Variants in EFR3B observed in about 807,000 individuals in gnomAD.
EFR3B encodes the protein protein EFR3 homolog B.
In EFR3B, 64 loss-of-function variants were observed where a neutral mutation model predicts 104.7. The observed-to-expected ratio is 0.61, with a 90% CI of 0.50 to 0.75. The LOEUF is 0.75. Ranked by LOEUF, EFR3B falls within the 30% of genes least tolerant of loss-of-function variation. The pLI, the probability that EFR3B is intolerant of heterozygous loss-of-function variation, is 0.00. For missense variants in EFR3B, 750 were observed against 1,078.5 expected, an observed-to-expected ratio of 0.70 and a Z score of 4.27; for synonymous variants, 385 against 417.9, an observed-to-expected ratio of 0.92 and a Z score of 0.96.
intron 4 of EFR3B, among the ~76,000 whole-genome samples, chr2:25,118,666 G>A (rs920989325): frequency 2.2e-5 from 3 of 136,066 alleles, no homozygotes; most frequent in Non-Finnish European, 4.6e-5. Flanking sequence ...AAGGTGGGAG[G>A]ATTGCTTGAT....
rs987410806 is a variant in EFR3B, at chr2:25,130,142, C to G, written c.770+33C>G. On this transcript the variant is annotated intron_variant, in intron 7 of 22. Transcript: ENST00000403714. This position sits in a 1 kb window ranked among gnomAD's most constrained non-coding sequence, Gnocchi z 4.6. ...CCCCCACCCACTGCCTTGGCCCCAG[C>G]CTTCAGCCTGGATGTGTTTCAGGTC... The G allele has an allele frequency of 2.6e-6, 4 of 1,551,276 alleles. No homozygotes were observed. In the African/African-American group the frequency reaches 5.5e-5, roughly 21 times the overall value.
intron 1 of EFR3B, among the ~76,000 whole-genome samples, chr2:25,053,149 C>T (rs574349088): frequency 6.6e-6 from 1 of 152,226 alleles, no homozygotes; most frequent in East Asian, 1.9e-4. Flanking sequence ...TTGGGAAGGG[C>T]AAGAGAATGT....
intron 4 of EFR3B, among the ~76,000 whole-genome samples, chr2:25,117,748 A>C (rs1446835766): frequency 6.6e-6 from 1 of 152,008 alleles, no homozygotes; most frequent in Non-Finnish European, 1.5e-5. Context: ...CCTATTGCCC[A>C]CTTTCTCATC....
intron 1 of EFR3B, among the ~76,000 whole-genome samples, chr2:25,089,881 C>G (rs567673595): frequency 1.3e-5 from 2 of 152,104 alleles, no homozygotes; most frequent in Admixed American, 6.5e-5. Flanking sequence ...AAGTTATCTG[C>G]CCCTGGGTGC....
In EFR3B at chr2:25,135,510, C is replaced by T; in HGVS notation, c.1355C>T (p.Pro452Leu). ...FQCNNMMSAL[P>L]SNFLDRLLST... ...TGCAACAACATGATGTCAGCCCTGC[C>T]TAGCAACTTCCTGGACCGCCTTCTC... Residue 452 changes from proline (P) to leucine (L), a missense_variant, in exon 13 of 23, where the codon CCT becomes CTT. Physicochemically the swap from Pro to Leu is moderately conservative, Grantham distance 98 (BLOSUM62 -3). Coordinates refer to ENST00000403714, the MANE Select transcript of EFR3B (RefSeq NM_014971.2). The T allele has an allele frequency of 1.3e-6, 2 of 1,551,778 alleles. No individual in the cohort carries two copies. Among genetic ancestry groups the T allele is most frequent in the East Asian group, 2.4e-5 (1 of 40,918 alleles).
chr2:25,128,443 C>T, intron 6 of EFR3B, 111 bp downstream of exon 6: 2 of 1,400,486 alleles, frequency 1.4e-6, no homozygotes, highest in Non-Finnish European at 1.9e-6. Context: ...AGGCCAGGGA[C>T]ATGGCTTTGT....
intron 16 of EFR3B, 57 bp downstream of exon 16, chr2:25,139,247 A>G: frequency 6.5e-7 from 1 of 1,526,938 alleles, no homozygotes; most frequent in Non-Finnish European, 8.8e-7. Flanking sequence ...TTTCCTGGGA[A>G]CAGCTTTTCC....
chr2:25,138,219 T>C (rs1461102213), intron 15 of EFR3B, among the ~76,000 whole-genome samples: 1 of 152,210 alleles, frequency 6.6e-6, no homozygotes, highest in Admixed American at 6.5e-5. Flanking sequence ...AGTTCCCAAA[T>C]GGAGCTGTGC....
At chr2:25,112,330 G>A (rs1233472021) in intron 4 of EFR3B, among the ~76,000 whole-genome samples, 2 of 152,270 alleles carry the variant, frequency 1.3e-5, no homozygotes, top group Non-Finnish European at 2.9e-5. Flanking sequence ...CAGCAGATGG[G>A]GCTGCCCAGG....
At chr2:25,092,235 A>G (rs1257412675) in intron 2 of EFR3B, among the ~76,000 whole-genome samples, 1 of 151,034 alleles carries the variant, frequency 6.6e-6, no homozygotes, top group East Asian at 2.0e-4. Context: ...TGCCCAGCTA[A>G]TTTTTTGTAC....
chr2:25,062,635 A>G (rs1380693101), intron 1 of EFR3B, among the ~76,000 whole-genome samples: 1 of 152,230 alleles, frequency 6.6e-6, no homozygotes, highest in African/African-American at 2.4e-5. Context: ...TCAGGGCCGC[A>G]GGCTACTAGA....
chr2:25,080,563 G>T, intron 1 of EFR3B: 1 of 503,294 alleles, frequency 2.0e-6, no homozygotes, highest in Non-Finnish European at 3.5e-6. Context: ...CAAAGTGTTG[G>T]GATTACAGGC....
intron 1 of EFR3B, among the ~76,000 whole-genome samples, chr2:25,058,487 A>C (rs1203441243): frequency 6.6e-6 from 1 of 152,142 alleles, no homozygotes; most frequent in Non-Finnish European, 1.5e-5. Flanking sequence ...GGCCAGGCAC[A>C]GTGGCTCATG....
intron 2 of EFR3B, 55 bp downstream of exon 2, chr2:25,091,456 G>A: frequency 6.8e-7 from 1 of 1,480,164 alleles, no homozygotes; most frequent in Non-Finnish European, 9.1e-7. Flanking sequence ...CAGGGCCTCT[G>A]ACGGGGGCAG....
chr2:25,081,419 C>T (rs769165205), intron 1 of EFR3B: 25 of 1,298,824 alleles, frequency 1.9e-5, no homozygotes, highest in African/African-American at 1.5e-5. Context: ...TCTTCTGTAC[C>T]TACTTTTTTG....
intron 5 of EFR3B, among the ~76,000 whole-genome samples, chr2:25,127,233 CAACTT>C (rs1271534105): frequency 2.9e-5 from 3 of 103,530 alleles, no homozygotes; most frequent in Non-Finnish European, 4.2e-5. Context: ...CATTTGGAAA[CAACTT>C]AAATGACTAA....
rs1056750540 is a variant in EFR3B, at chr2:25,059,577, G to GT, written c.7+17258_7+17259insT. ...ATAGAGGTTACCAGGGACTGCGGGGGGGGGGGGGGTGGAGATTGGGGAATT... is the reference window on the plus strand; with the variant it reads ...ATAGAGGTTACCAGGGACTGCGGGGGTGGGGGGGGGTGGAGATTGGGGAATT... On this transcript the variant is annotated intron_variant, in intron 1 of 22. Transcript: ENST00000403714. 2.2e-4 allele frequency among the ~76,000 whole-genome samples: 27 copies of GT among 120,428 alleles called. 2 individuals carry two copies. Among genetic ancestry groups the GT allele is most frequent in the Admixed American group, 1.2e-3 (14 of 12,118 alleles). The allele number at this position is 120,428 out of a possible 152,430, so 79.0% of individuals were successfully genotyped here.
chr2:25,113,679 A>G (rs6757504), intron 4 of EFR3B, among the ~76,000 whole-genome samples: 20,730 of 150,998 alleles, frequency 0.14, 3,027 homozygotes, highest in African/African-American at 0.36. Flanking sequence ...AAAAAAAAAA[A>G]AAAGAAAAGA....
At position 25,042,305 on chromosome 2, in the gene EFR3B, C is replaced by A. The variant is rs1219497853; in HGVS notation, c.-8C>A. 4 of 1,291,320 alleles carry A rather than the reference C, an allele frequency of 3.1e-6. No homozygotes were observed. The highest frequency in any genetic ancestry group is 3.9e-6 in the Non-Finnish European group (4 of 1,021,286). The allele number at this position is 1,291,320 out of a possible 1,614,324, so 80.0% of individuals were successfully genotyped here. A position where few individuals can be genotyped will look rare whatever the true frequency, so the allele number is the denominator to read the frequency against. On this transcript the variant is annotated 5_prime_UTR_variant, in exon 1 of 23. Coordinates refer to ENST00000403714, the MANE Select transcript of EFR3B (RefSeq NM_014971.2). The surrounding 1 kb of genome is among the most constrained non-coding windows in gnomAD (Gnocchi z 5.4). ...GCCGGCCTCTCGAGAGGCGCGCGCC[C>A]CGCCGAGATGTACGGTAAGGAGGGC...
Sources: allele counts gnomAD v4.1 joint callset (sites outside exome capture counted in the v4.1 genomes callset), GRCh38; gene constraint gnomAD v4.1.1; non-coding constraint Gnocchi (gnomAD v3.1); transcripts MANE v1.5; gene names NCBI Gene and HGNC (gene_info 2026-07-23, HGNC 2026-07-21).